The following TMEM132D variants were observed in gnomAD, a reference collection of about 807,000 sequenced individuals.
TMEM132D encodes the protein transmembrane protein 132D, also known as mature OL transmembrane protein.
In TMEM132D, 21 loss-of-function variants were observed where a neutral mutation model predicts 62.3. That is an observed-to-expected ratio of 0.34 (90% CI 0.24 to 0.49). TMEM132D has a LOEUF of 0.49. Ranked by LOEUF, TMEM132D falls within the 20% of genes least tolerant of loss-of-function variation. The probability of loss-of-function intolerance (pLI) is 0.99; values close to 1 mark genes in which losing one functional copy is unlikely to be tolerated. For missense variants in TMEM132D, 1,346 were observed against 1,402.8 expected (o/e 0.96, Z 0.65); for synonymous variants, 621 against 575.6 (o/e 1.08, Z -1.13).
intron 1 of TMEM132D, among the ~76,000 whole-genome samples, chr12:129,770,778 T>C (rs1172854373): frequency 2.0e-5 from 3 of 152,224 alleles, no homozygotes; most frequent in Non-Finnish European, 4.4e-5. Flanking sequence ...AAGTCTTGAA[T>C]AGCTCATGAA....
chr12:129,507,769 G>A (rs1177790789), intron 3 of TMEM132D, among the ~76,000 whole-genome samples: 5 of 152,056 alleles, frequency 3.3e-5, no homozygotes, highest in East Asian at 3.8e-4. Flanking sequence ...TATACTGCTC[G>A]GTTGATGGGT....
At chr12:129,294,410 G>A (rs1481561052) in intron 4 of TMEM132D, among the ~76,000 whole-genome samples, 1 of 152,182 alleles carries the variant, frequency 6.6e-6, no homozygotes, top group East Asian at 1.9e-4. Context: ...GTAGCCTGGG[G>A]AGAATCTCAC....
intron 4 of TMEM132D, among the ~76,000 whole-genome samples, chr12:129,240,150 G>C (rs1489294057): frequency 2.0e-5 from 3 of 152,124 alleles, no homozygotes; most frequent in Non-Finnish European, 4.4e-5. Context: ...ACAGCAATGA[G>C]CAGTAATCCC....
chr12:129,829,160 G>C (rs986595382), intron 1 of TMEM132D, among the ~76,000 whole-genome samples: 1 of 152,028 alleles, frequency 6.6e-6, no homozygotes, highest in Non-Finnish European at 1.5e-5. Context: ...TAGCTGATAT[G>C]TTATTCCTAT....
At chr12:129,840,678 C>G (rs1028313831) in intron 1 of TMEM132D, among the ~76,000 whole-genome samples, 4 of 152,172 alleles carry the variant, frequency 2.6e-5, no homozygotes, top group African/African-American at 9.6e-5. Flanking sequence ...CCAGTGCGGC[C>G]GCCCGCTTCC....
intron 1 of TMEM132D, among the ~76,000 whole-genome samples, chr12:129,768,284 G>A (rs1593154466): frequency 1.3e-5 from 2 of 152,010 alleles, no homozygotes; most frequent in South Asian, 4.2e-4. Context: ...AATTTTTTAA[G>A]GAAATGCCAT....
intron 2 of TMEM132D, among the ~76,000 whole-genome samples, chr12:129,669,606 G>A (rs113886037): frequency 2.0e-5 from 3 of 152,270 alleles, no homozygotes; most frequent in African/African-American, 7.2e-5. Flanking sequence ...TCGGGAGGAT[G>A]AGGCAGGAGA....
intron 4 of TMEM132D, among the ~76,000 whole-genome samples, chr12:129,326,218 C>T (rs7967817): frequency 0.46 from 69,539 of 152,024 alleles, 16,527 homozygotes; most frequent in East Asian, 0.64. Context: ...ACTTTTCTCA[C>T]GATAACACTA....
At chr12:129,472,658 G>T (rs748372082) in intron 3 of TMEM132D, among the ~76,000 whole-genome samples, 4 of 152,130 alleles carry the variant, frequency 2.6e-5, no homozygotes, top group African/African-American at 4.8e-5. Context: ...GCATGAAAAA[G>T]GTGGTTTGTG....
chr12:129,547,068 A>G (rs1876757352), intron 2 of TMEM132D, among the ~76,000 whole-genome samples: 2 of 152,152 alleles, frequency 1.3e-5, no homozygotes, highest in Non-Finnish European at 2.9e-5. Context: ...ACTAGCTCTC[A>G]AGGCCTTGCT....
chr12:129,651,315 C>T (rs1294935314), intron 2 of TMEM132D, among the ~76,000 whole-genome samples: 1 of 152,134 alleles, frequency 6.6e-6, no homozygotes, highest in Admixed American at 6.5e-5. Context: ...ATTGATACTA[C>T]AGGGAAGTGG....
At chr12:129,170,564 A>T (rs1282747553) in intron 5 of TMEM132D, among the ~76,000 whole-genome samples, 1 of 152,142 alleles carries the variant, frequency 6.6e-6, no homozygotes, top group Non-Finnish European at 1.5e-5. Context: ...GATGGCTCAC[A>T]CCTGTAATCC....
rs148890438 is a variant in TMEM132D, at chr12:129,473,242, G to A, written c.1115+57817C>T. On this transcript the variant is annotated intron_variant, in intron 3 of 8. Coordinates refer to ENST00000422113, the MANE Select transcript of TMEM132D (RefSeq NM_133448.3). Reference sequence around the variant, plus strand: ...ATCAGTCAGCAGTCGTCCATGTCGGGTAAGACCTTCCAATAGCAAAACGAT... The same window carrying A: ...ATCAGTCAGCAGTCGTCCATGTCGGATAAGACCTTCCAATAGCAAAACGAT... Among the ~76,000 whole-genome samples the A allele has an allele frequency of 2.9e-3, 432 of 151,468 alleles. 1 individual carries two copies. Among genetic ancestry groups the A allele is most frequent in the Non-Finnish European group, 4.5e-3 (303 of 67,904 alleles).
intron 1 of TMEM132D, among the ~76,000 whole-genome samples, chr12:129,717,823 T>C (rs1022739220): frequency 1.3e-5 from 2 of 152,182 alleles, no homozygotes; most frequent in Non-Finnish European, 2.9e-5. Flanking sequence ...TGCCATCTCT[T>C]GTGGCCCTCG....
At chr12:129,265,529 G>C (rs960168073) in intron 4 of TMEM132D, among the ~76,000 whole-genome samples, 1 of 152,112 alleles carries the variant, frequency 6.6e-6, no homozygotes, top group Admixed American at 6.5e-5. Flanking sequence ...CATTGCCCTG[G>C]GGGTAAGCCC....
intron 4 of TMEM132D, among the ~76,000 whole-genome samples, chr12:129,288,051 GT>G (rs973625841): frequency 2.6e-5 from 4 of 152,190 alleles, no homozygotes; most frequent in African/African-American, 9.6e-5. Context: ...TTCCATGTAA[GT>G]TTTTAAAACC....
At chr12:129,644,787 G>C (rs1206924409) in intron 2 of TMEM132D, among the ~76,000 whole-genome samples, 1 of 149,434 alleles carries the variant, frequency 6.7e-6, no homozygotes, top group Non-Finnish European at 1.5e-5. Flanking sequence ...GACCATCCTG[G>C]CTAACATGGT....
intron 3 of TMEM132D, among the ~76,000 whole-genome samples, chr12:129,392,414 CAG>C (rs1871312888): frequency 6.6e-6 from 1 of 152,180 alleles, no homozygotes; most frequent in Non-Finnish European, 1.5e-5. Context: ...CTGGGGGAAT[CAG>C]AGTTCCCTGG....
At chr12:129,751,966 C>T (rs1437004997) in intron 1 of TMEM132D, among the ~76,000 whole-genome samples, 2 of 152,156 alleles carry the variant, frequency 1.3e-5, no homozygotes, top group African/African-American at 4.8e-5. Flanking sequence ...CTAATTCATA[C>T]AACATTAATC....
Sources: gnomAD v4.1 joint callset for allele counts (sites outside exome capture counted in the v4.1 genomes callset) on GRCh38, gnomAD v4.1.1 for gene constraint, MANE v1.5 for transcripts, NCBI Gene and HGNC (gene_info 2026-07-23, HGNC 2026-07-21) for gene names.